RPGRIP1L: variants seen among roughly 807,000 people sequenced by gnomAD.
RPGRIP1L encodes protein fantom.
RPGRIP1L carries 131 observed loss-of-function variants against 160.4 expected under a neutral mutation model. The ratio of observed to expected loss-of-function variants is 0.82; its 90% CI spans 0.71 to 0.94. The LOEUF (loss-of-function observed/expected upper bound fraction) is 0.94, where lower values mean the gene tolerates loss of function less well. RPGRIP1L is among the 40% of genes least tolerant of loss of function. The pLI is 0.00. For missense variants in RPGRIP1L, 1,522 were observed against 1,535.8 expected (o/e 0.99, Z 0.15); for synonymous variants, 510 against 515.8 (o/e 0.99, Z 0.15).
At chr16:53,643,012 C>T (rs557266183) in intron 17 of RPGRIP1L, among the ~76,000 whole-genome samples, 4 of 152,166 alleles carry the variant, frequency 2.6e-5, no homozygotes, top group Non-Finnish European at 2.9e-5. Flanking sequence ...CAGAAGTGGG[C>T]GTTGGCTGGG....
intron 9 of RPGRIP1L, 73 bp from the exon 10 acceptor site, chr16:53,665,082 T>G: frequency 6.4e-7 from 1 of 1,570,646 alleles, no homozygotes; most frequent in African/African-American, 1.3e-5. Context: ...GAGAAAAGCT[T>G]TTAGTGGCGC....
chr16:53,674,951 C>A (rs1313702514), intron 7 of RPGRIP1L, 66 bp downstream of exon 7: 1 of 1,097,200 alleles, frequency 9.1e-7, no homozygotes. Context: ...AAAAAAACAA[C>A]TTGAATACTA....
chr16:53,684,826 C>A (rs1446054257), intron 6 of RPGRIP1L, among the ~76,000 whole-genome samples: 1 of 150,906 alleles, frequency 6.6e-6, no homozygotes. Flanking sequence ...AACGAAGATG[C>A]CAAAAGCAAT....
chr16:53,626,768 A>ATT (rs1567810020), intron 22 of RPGRIP1L, among the ~76,000 whole-genome samples: 1 of 149,456 alleles, frequency 6.7e-6, no homozygotes, highest in African/African-American at 2.5e-5. Flanking sequence ...CTGCACTACT[A>ATT]CACTCCACCC....
chr16:53,631,166 C>T (rs1036501946), intron 22 of RPGRIP1L, among the ~76,000 whole-genome samples: 4 of 152,286 alleles, frequency 2.6e-5, no homozygotes, highest in Admixed American at 6.5e-5. Flanking sequence ...TTTTCATATG[C>T]GAATTCTAAA....
At chr16:53,700,034 A>ATGCAT (rs1392007401) in intron 2 of RPGRIP1L, among the ~76,000 whole-genome samples, 2 of 152,238 alleles carry the variant, frequency 1.3e-5, no homozygotes, top group African/African-American at 4.8e-5. Flanking sequence ...TAATCGATAC[A>ATGCAT]TGCATGACAG....
At chr16:53,684,607 G>A (rs1598397589) in intron 6 of RPGRIP1L, among the ~76,000 whole-genome samples, 1 of 152,158 alleles carries the variant, frequency 6.6e-6, no homozygotes, top group African/African-American at 2.4e-5. Flanking sequence ...TGGGGGTTGG[G>A]GGGAGGGATA....
At chr16:53,628,532 A>C (rs973190377) in intron 22 of RPGRIP1L, 20 of 152,134 alleles carry the variant, frequency 1.3e-4, no homozygotes, top group African/African-American at 4.8e-4. Context: ...TCCTCATACA[A>C]GTTCTGATTA....
At chr16:53,647,541 T>C (rs2151091797) in intron 16 of RPGRIP1L, among the ~76,000 whole-genome samples, 1 of 152,276 alleles carries the variant, frequency 6.6e-6, no homozygotes, top group South Asian at 2.1e-4. Context: ...TTTCTCCTGA[T>C]CTCAGAGGGC....
chr16:53,628,120 G>C (rs1322715916), intron 22 of RPGRIP1L: 1 of 144,164 alleles, frequency 6.9e-6, no homozygotes, highest in Non-Finnish European at 1.5e-5. Context: ...TAAAAATACT[G>C]TGTGTGTGTG....
intron 5 of RPGRIP1L, 110 bp from the exon 6 acceptor site, chr16:53,686,686 A>T: frequency 9.0e-7 from 1 of 1,108,814 alleles, no homozygotes; most frequent in Non-Finnish European, 1.3e-6. Flanking sequence ...AAGTTAAAAA[A>T]TTTAGCTTAA....
At chr16:53,623,672 G>T (rs1964887656) in intron 22 of RPGRIP1L, among the ~76,000 whole-genome samples, 3 of 152,146 alleles carry the variant, frequency 2.0e-5, no homozygotes, top group Non-Finnish European at 2.9e-5. Flanking sequence ...ATCTCTAAGA[G>T]CAAGTTGGTT....
chr16:53,637,902 A>G, intron 20 of RPGRIP1L, 48 bp from the exon 21 acceptor site: 1 of 1,546,140 alleles, frequency 6.5e-7, no homozygotes, highest in Non-Finnish European at 8.9e-7. Context: ...CTTAGATCAC[A>G]TTTTATAGCA....
At chr16:53,611,761 T>C (rs1236043281) in intron 24 of RPGRIP1L, among the ~76,000 whole-genome samples, 1 of 152,178 alleles carries the variant, frequency 6.6e-6, no homozygotes, top group Non-Finnish European at 1.5e-5. Flanking sequence ...TTTGGGAAAA[T>C]GGCATTTCAA....
intron 22 of RPGRIP1L, chr16:53,635,714 T>C (rs934655836): frequency 3.3e-5 from 5 of 152,152 alleles, no homozygotes; most frequent in African/African-American, 1.2e-4. Context: ...AAACTAAAAA[T>C]TCTACAAAAG....
intron 6 of RPGRIP1L, 40 bp downstream of exon 6, chr16:53,686,393 A>C (rs1360889357): frequency 6.3e-7 from 1 of 1,597,784 alleles, no homozygotes; most frequent in Non-Finnish European, 8.6e-7. Context: ...TTTTAAACTA[A>C]TTTTGACCTT....
At chr16:53,679,889 T>C (rs965252921) in intron 6 of RPGRIP1L, among the ~76,000 whole-genome samples, 2 of 152,160 alleles carry the variant, frequency 1.3e-5, no homozygotes, top group African/African-American at 2.4e-5. Context: ...ACAGTTCAGG[T>C]GGTTAACTGA....
In RPGRIP1L at chr16:53,622,154, G is replaced by GGAGTTTGA. The variant is rs1382912846; in HGVS notation, c.3432+57_3432+64dup. The GGAGTTTGA allele has an allele frequency of 9.6e-6, 5 of 518,180 alleles. No individual in the cohort carries two copies. In the Admixed American group the frequency reaches 1.6e-4, roughly 16 times the overall value. The allele number at this position is 518,180 out of a possible 1,614,324, so 32.1% of individuals were successfully genotyped here. A position where few individuals can be genotyped will look rare whatever the true frequency, so the allele number is the denominator to read the frequency against. The stretch of plus-strand genomic sequence containing the variant: ...CAGAGGTGGGCGGATCATGAGGTCG[G>GGAGTTTGA]GAGTTTGAGACCAGCATGGCCAACA... On this transcript the variant is annotated intron_variant, in intron 23 of 26. Transcript: ENST00000647211.
At position 53,610,955 on chromosome 16, in the gene RPGRIP1L, G is replaced by T. The variant is rs931566897; in HGVS notation, c.3701+12C>A. 1.9e-6 allele frequency: 3 copies of T among 1,579,606 alleles called. No homozygotes were observed. In the African/African-American group the frequency reaches 4.0e-5, roughly 21 times the overall value. On this transcript the variant is annotated intron_variant, in intron 25 of 26. Transcript: ENST00000647211. ...TGTAAACCATTAGATTATTTGGACTGCCAAAACATACCTTCTATTAGGCAT... is the reference window on the plus strand; with the variant it reads ...TGTAAACCATTAGATTATTTGGACTTCCAAAACATACCTTCTATTAGGCAT...
Sources: gnomAD v4.1 joint callset for allele counts (sites outside exome capture counted in the v4.1 genomes callset) on GRCh38, gnomAD v4.1.1 for gene constraint, MANE v1.5 for transcripts, NCBI Gene and HGNC (gene_info 2026-07-23, HGNC 2026-07-21) for gene names.